The following PAGE2B variants were observed in gnomAD, a reference collection of about 807,000 sequenced individuals.
The protein encoded by PAGE2B is PAGE family member 2B.
Under a neutral mutation model 7.6 loss-of-function variants are expected in PAGE2B, and 5 were observed. The observed-to-expected ratio is 0.66, with a 90% CI of 0.34 to 1.38. The LOEUF is 1.38. Among genes scored for constraint, PAGE2B ranks in the 40% most tolerant of loss-of-function variants. The pLI, the probability that PAGE2B is intolerant of heterozygous loss-of-function variation, is 0.04. For missense variants in PAGE2B, 70 were observed against 78.4 expected, an observed-to-expected ratio of 0.89 and a Z score of 0.41; for synonymous variants, 29 against 26.7, an observed-to-expected ratio of 1.09 and a Z score of -0.27.
chrX:55,040,649 G>A, the PAGE2B span, among the ~76,000 whole-genome samples: 70 of 111,097 alleles, frequency 6.3e-4, no homozygotes, highest in African/African-American at 2.0e-3. Flanking sequence ...TGTCAGGGGC[G>A]GGGCGGTGGG....
At chrX:55,037,260 T>C in the PAGE2B span, among the ~76,000 whole-genome samples, 2 of 112,061 alleles carry the variant, frequency 1.8e-5, no homozygotes, top group Non-Finnish European at 3.8e-5. Flanking sequence ...CAGACACTTC[T>C]CAAAAGAAGA....
chrX:55,051,290 G>C, the PAGE2B span, among the ~76,000 whole-genome samples: 1,036 of 110,518 alleles, frequency 9.4e-3, 15 homozygotes, highest in African/African-American at 0.032. Context: ...ATGTGTCTTG[G>C]AGTTGCTCTT....
chrX:55,074,693 G>A (rs1389664433), upstream of PAGE2B, among the ~76,000 whole-genome samples: 3 of 112,430 alleles, frequency 2.7e-5, no homozygotes, highest in African/African-American at 6.5e-5. Flanking sequence ...TTATGGAAGC[G>A]TATATAAAAC....
chrX:55,038,055 AAAAAAT>A, the PAGE2B span, among the ~76,000 whole-genome samples: 1 of 110,470 alleles, frequency 9.1e-6, no homozygotes, highest in African/African-American at 3.3e-5. Flanking sequence ...GTATATTAAT[AAAAAAT>A]AAAAATAAAA....
the PAGE2B span, among the ~76,000 whole-genome samples, chrX:55,064,642 T>A: frequency 9.0e-6 from 1 of 111,521 alleles, no homozygotes; most frequent in African/African-American, 3.2e-5. Context: ...GTTGGTTTTT[T>A]TTTTATTCGA....
the PAGE2B span, among the ~76,000 whole-genome samples, chrX:55,042,426 G>A: frequency 6.0e-4 from 65 of 108,953 alleles, 1 homozygote; most frequent in South Asian, 0.013. Context: ...AGGCCGAGGT[G>A]GGCGGATCAC....
chrX:55,075,889 C>T (rs1250522130), intron 1 of PAGE2B, 145 bp from the exon 2 acceptor site: 1 of 557,237 alleles, frequency 1.8e-6, no homozygotes, highest in South Asian at 3.7e-5. Context: ...GATTGGAAAG[C>T]GTGGGTACTT....
At chrX:55,048,788 G>A in the PAGE2B span, among the ~76,000 whole-genome samples, 4 of 111,038 alleles carry the variant, frequency 3.6e-5, no homozygotes, top group Non-Finnish European at 5.7e-5. Context: ...CTAATTGAAT[G>A]CCCTTTATTT....
the PAGE2B span, among the ~76,000 whole-genome samples, chrX:55,056,550 G>A: frequency 2.7e-5 from 3 of 110,759 alleles, no homozygotes; most frequent in East Asian, 8.6e-4. Context: ...CACAGAGTGG[G>A]CAATTGTGGG....
At chrX:55,077,359 T>A in intron 3 of PAGE2B, 40 bp from the exon 4 acceptor site, 1 of 1,204,278 alleles carries the variant, frequency 8.3e-7, no homozygotes, top group Non-Finnish European at 1.1e-6. Flanking sequence ...TCATAGTTCA[T>A]GTTTTAATTT....
the PAGE2B span, among the ~76,000 whole-genome samples, chrX:55,043,386 G>C: frequency 9.0e-6 from 1 of 111,196 alleles, no homozygotes; most frequent in Admixed American, 9.6e-5. Context: ...GAAATAATCA[G>C]CAGAGTAAAT....
chrX:55,058,159 G>T, the PAGE2B span, among the ~76,000 whole-genome samples: 1 of 110,415 alleles, frequency 9.1e-6, no homozygotes. Context: ...ATGTCAACTC[G>T]GTTGTAATAA....
the PAGE2B span, chrX:55,044,877 A>G: frequency 8.9e-6 from 1 of 112,346 alleles, no homozygotes; most frequent in Admixed American, 9.5e-5. Context: ...CCTGATGCAT[A>G]GATGACACTC....
upstream of PAGE2B, among the ~76,000 whole-genome samples, chrX:55,070,977 C>A (rs1936443121): frequency 9.0e-6 from 1 of 111,491 alleles, no homozygotes; most frequent in Non-Finnish European, 1.9e-5. Flanking sequence ...TGGGTCTTGA[C>A]TCTTTATCCA....
the PAGE2B span, among the ~76,000 whole-genome samples, chrX:55,034,526 G>A: frequency 2.7e-5 from 3 of 110,490 alleles, no homozygotes; most frequent in East Asian, 8.5e-4. Flanking sequence ...AAATTCCAAA[G>A]TCCAGTTTTT....
At chrX:55,053,065 C>T in the PAGE2B span, among the ~76,000 whole-genome samples, 1 of 112,599 alleles carries the variant, frequency 8.9e-6, no homozygotes. Flanking sequence ...TTGCATTTTA[C>T]ATATGTTTAT....
At chrX:55,049,694 C>T in the PAGE2B span, among the ~76,000 whole-genome samples, 5 of 110,649 alleles carry the variant, frequency 4.5e-5, no homozygotes, top group African/African-American at 9.8e-5. Flanking sequence ...GCTTCTTCTC[C>T]CTTTTCTTCT....
upstream of PAGE2B, among the ~76,000 whole-genome samples, chrX:55,070,988 A>G (rs934755571): frequency 9.0e-6 from 1 of 111,090 alleles, no homozygotes; most frequent in South Asian, 3.8e-4. Context: ...TCTTTATCCA[A>G]TTTGCCAGTC....
the PAGE2B span, among the ~76,000 whole-genome samples, chrX:55,050,813 AG>A: frequency 1.8e-5 from 2 of 111,071 alleles, no homozygotes; most frequent in Non-Finnish European, 3.8e-5. Flanking sequence ...TTTACGTTTA[AG>A]GTTAGTATTG....
Sources: gnomAD v4.1 joint callset for allele counts (sites outside exome capture counted in the v4.1 genomes callset) on GRCh38, gnomAD v4.1.1 for gene constraint, MANE v1.5 for transcripts, NCBI Gene and HGNC (gene_info 2026-07-23, HGNC 2026-07-21) for gene names.